Variants in SYT5 observed in about 807,000 individuals in gnomAD.
The protein encoded by SYT5 is synaptotagmin 5.
Under a neutral mutation model 36.0 loss-of-function variants are expected in SYT5, and 29 were observed. The observed-to-expected ratio is 0.81, with a 90% CI of 0.60 to 1.10. The LOEUF is 1.10. Among genes scored for constraint, SYT5 ranks in the 50% least tolerant of loss-of-function variants. The probability of loss-of-function intolerance (pLI) is 0.00; values close to 1 mark genes in which losing one functional copy is unlikely to be tolerated. For synonymous variants in SYT5, 231 were observed against 227.6 expected (o/e 1.02, Z -0.14); for missense variants, 512 against 516.0 (o/e 0.99, Z 0.08).
At chr19:55,178,885 A>G (rs1599948363) in intron 2 of SYT5, 78 bp downstream of exon 2, 1 of 1,323,432 alleles carries the variant, frequency 7.6e-7, no homozygotes. Context: ...GCCCGAGTAC[A>G]CCCGTCCGAA....
intron 3 of SYT5, 178 bp from the exon 4 acceptor site, chr19:55,176,302 C>G: frequency 1.3e-6 from 1 of 771,154 alleles, no homozygotes; most frequent in Non-Finnish European, 2.0e-6. Flanking sequence ...CGTGGTAACA[C>G]AGATGCAGTA....
In SYT5 at chr19:55,176,008, G is replaced by A; in HGVS notation, c.369C>T (p.Gly123=). 2 of 1,614,038 alleles carry A rather than the reference G, an allele frequency of 1.2e-6. No individual in the cohort carries two copies. The highest frequency in any genetic ancestry group is 8.5e-7 in the Non-Finnish European group (1 of 1,180,026). Residue 123 remains glycine (G), a synonymous_variant, in exon 4 of 9, where the codon GGC becomes GGT. Coordinates refer to ENST00000354308, the MANE Select transcript of SYT5 (RefSeq NM_003180.3). ...QYSLDYDFQS[G]QLLVGILQAM... is the part of the protein sequence containing the mutation. ...CTTCCCCTTCCTCCACACCCACCTG[G>A]CCACTCTGGAAGTCATAATCCAGGG...
Position 55,175,269 on chromosome 19 carries a change from T to G in SYT5, c.611A>C (p.Asn204Thr). 6.2e-7 allele frequency: 1 copy of G among 1,603,060 alleles called. No homozygotes were observed. The highest frequency in any genetic ancestry group is 8.5e-7 in the Non-Finnish European group (1 of 1,176,100). The change falls in exon 6 of 9, where the codon AAT becomes ACT. Residue 204 changes from asparagine to threonine, a missense_variant. Physicochemically the swap from Asn to Thr is moderately conservative, Grantham distance 65. Transcript: ENST00000354308. This position sits in a 1 kb window ranked among gnomAD's most constrained non-coding sequence, Gnocchi z 4.5. The part of the protein sequence containing the change: ...AVYDFDRFSR[N>T]DAIGEVRVPM... ...GACCCGCACCTCCCCGATGGCGTCA[T>G]TGCGAGAGAAGCGGTCGAAGTCGTA...
Position 55,173,175 on chromosome 19 carries a change from G to C in SYT5, c.*309C>G, listed in dbSNP as rs2086022967. 3.1e-6 allele frequency: 1 copy of C among 327,658 alleles called. No homozygotes were observed. The highest frequency in any genetic ancestry group is 2.1e-5 in the African/African-American group (1 of 46,696). 20.3% of individuals were successfully genotyped at this position (327,658 alleles called of 1,614,324 possible). A position where few individuals can be genotyped will look rare whatever the true frequency, so the allele number is the denominator to read the frequency against. On this transcript the variant is annotated 3_prime_UTR_variant, in exon 9 of 9. Coordinates refer to ENST00000354308, the MANE Select transcript of SYT5 (RefSeq NM_003180.3). This position sits in a 1 kb window ranked among gnomAD's most constrained non-coding sequence, Gnocchi z 5.4. ...TGTTGGAAGAGAGAGGAGAGCAGAC[G>C]AGGATGGCTGATTGTCAAAGCAGGG...
chr19:55,178,275 C>T lies in SYT5; in HGVS notation c.173G>A (p.Arg58Gln), dbSNP rs141150330. 5.8e-4 allele frequency: 928 copies of T among 1,610,636 alleles called. 6 individuals carry two copies. The African/African-American group carries it at 0.01, about 18-fold the overall frequency. ...TTGGGCCTGGCTCTTCTTGCCTGTC[C>T]GCCTCCGACAGCTCTTCCGGTAGAG... ...FCLYRKSCRRRTGKKSQAQAQ... is the reference protein window; with the variant it reads ...FCLYRKSCRRQTGKKSQAQAQ... The change falls in exon 3 of 9, where the codon CGG (arginine) becomes CAG (glutamine). Residue 58 changes from arginine to glutamine, a missense_variant. Physicochemically the swap from Arg to Gln is conservative, Grantham distance 43. Coordinates refer to ENST00000354308, the MANE Select transcript of SYT5 (RefSeq NM_003180.3).
chr19:55,176,829 T>G (rs2086081903), intron 3 of SYT5, among the ~76,000 whole-genome samples: 1 of 152,178 alleles, frequency 6.6e-6, no homozygotes, highest in Non-Finnish European at 1.5e-5. Context: ...GGATGCTAAT[T>G]GAACAGCTCC....
Position 55,179,003 on chromosome 19 carries a change from G to C in SYT5, c.39C>G (p.Pro13=), listed in dbSNP as rs766784603. 1.3e-6 allele frequency: 2 copies of C among 1,595,080 alleles called. No homozygotes were observed. Among genetic ancestry groups the C allele is most frequent in the Middle Eastern group, 1.7e-4 (1 of 5,960 alleles). The change falls in exon 2 of 9, where the codon CCC becomes CCG. Residue 13 remains proline (P), a synonymous_variant. Transcript: ENST00000354308. This position sits in a 1 kb window ranked among gnomAD's most constrained non-coding sequence, Gnocchi z 4.5. The part of the protein sequence containing the change: ...PEPPTPGPPS[P]DTPPDSSRIS... ...TGCGACTGGAGTCGGGAGGCGTGTC[G>C]GGCGATGGAGGCCCCGGGGTTGGGG...
At chr19:55,177,816 A>C (rs2086093241) in intron 3 of SYT5, among the ~76,000 whole-genome samples, 1 of 152,176 alleles carries the variant, frequency 6.6e-6, no homozygotes. Context: ...TCAGCCTCCC[A>C]AGTGCTAGGA....
At position 55,179,015 on chromosome 19, in the gene SYT5, C is replaced by A. The variant is rs149693771; in HGVS notation, c.27G>T (p.Gly9=). 5.6e-6 allele frequency: 9 copies of A among 1,602,490 alleles called. No homozygotes were observed. In the African/African-American group the frequency reaches 1.1e-4, roughly 19 times the overall value. MFPEPPTP[G]PPSPDTPPDS... is the part of the protein sequence containing the mutation. The stretch of plus-strand genomic sequence containing the variant: ...CGGGAGGCGTGTCGGGCGATGGAGG[C>A]CCCGGGGTTGGGGGCTCCGGGAACA... The change falls in exon 2 of 9, where the codon GGG becomes GGT. Residue 9 remains glycine, a synonymous_variant. Coordinates refer to ENST00000354308, the MANE Select transcript of SYT5 (RefSeq NM_003180.3). This position sits in a 1 kb window ranked among gnomAD's most constrained non-coding sequence, Gnocchi z 4.5.
chr19:55,179,245 G>C lies in SYT5; in HGVS notation c.-45-159C>G. The C allele has an allele frequency of 1.3e-6, 2 of 1,485,092 alleles. No individual in the cohort carries two copies. Among genetic ancestry groups the C allele is most frequent in the Non-Finnish European group, 8.9e-7 (1 of 1,121,606 alleles). The allele number at this position is 1,485,092 out of a possible 1,614,324, so 92.0% of individuals were successfully genotyped here. A position where few individuals can be genotyped will look rare whatever the true frequency, so the allele number is the denominator to read the frequency against. ...TATCAGCCTCCCCGCACTTGAGAGG[G>C]GGTGTCCAGGACCTAGTTCCATCCT... On this transcript the variant is annotated intron_variant, in intron 1 of 8. Coordinates refer to ENST00000354308, the MANE Select transcript of SYT5 (RefSeq NM_003180.3). The surrounding 1 kb of genome is among the most constrained non-coding windows in gnomAD (Gnocchi z 4.5).
At position 55,175,470 on chromosome 19, in the gene SYT5, A is replaced by G. The variant is rs2086065256; in HGVS notation, c.541-131T>C. ...GAACAGTTGGGGGAACTCAAATGGG[A>G]AAGTCCAGGGATCCATGCGGAAAAA... On this transcript the variant is annotated intron_variant, in intron 5 of 8. Transcript: ENST00000354308. The surrounding 1 kb of genome is among the most constrained non-coding windows in gnomAD (Gnocchi z 4.5). The G allele has an allele frequency of 8.6e-7, 1 of 1,159,432 alleles. No individual in the cohort carries two copies. Among genetic ancestry groups the G allele is most frequent in the East Asian group, 2.6e-5 (1 of 38,664 alleles). 71.8% of individuals were successfully genotyped at this position (1,159,432 alleles called of 1,614,324 possible).
Position 55,175,359 on chromosome 19 carries a change from C to T in SYT5, c.541-20G>A. ...GGGGACCTGGAGTGCACAGAGAATC[C>T]GCAGTAGAGAGCAGGAAGTCAGAGA... is the stretch of plus-strand genomic sequence containing the variant. On this transcript the variant is annotated intron_variant, in intron 5 of 8. Transcript: ENST00000354308. The surrounding 1 kb of genome is among the most constrained non-coding windows in gnomAD (Gnocchi z 4.5). 1.3e-6 allele frequency: 2 copies of T among 1,513,554 alleles called. No individual in the cohort carries two copies. The highest frequency in any genetic ancestry group is 1.8e-6 in the Non-Finnish European group (2 of 1,135,546). The allele number at this position is 1,513,554 out of a possible 1,614,324, so 93.8% of individuals were successfully genotyped here. A position where few individuals can be genotyped will look rare whatever the true frequency, so the allele number is the denominator to read the frequency against.
chr19:55,175,795 G>A lies in SYT5; in HGVS notation c.454C>T (p.Leu152=), dbSNP rs1196083723. Residue 152 remains leucine, a synonymous_variant, in exon 5 of 9, where the codon CTG becomes TTG. Transcript: ENST00000354308. The surrounding 1 kb of genome is among the most constrained non-coding windows in gnomAD (Gnocchi z 4.5). The part of the protein sequence containing the change: ...GSSDPYVRVY[L]LPDKRRRYET... ...TACCGCCTCCGTTTGTCCGGCAGCA[G>A]GTAGACCCGCACATAGGGGTCCGAG... 1 of 1,614,192 alleles carries A rather than the reference G, an allele frequency of 6.2e-7. No homozygotes were observed. The highest frequency in any genetic ancestry group is 8.5e-7 in the Non-Finnish European group (1 of 1,180,030).
Position 55,171,488 on chromosome 19 carries a change from C to T in SYT5, c.*1996G>A, listed in dbSNP as rs2086005620. The T allele has an allele frequency of 6.6e-6, 1 of 152,156 alleles. No homozygotes were observed. Among genetic ancestry groups the T allele is most frequent in the African/African-American group, 2.4e-5 (1 of 41,432 alleles). 9.4% of individuals were successfully genotyped at this position (152,156 alleles called of 1,614,324 possible). Reference sequence around the variant, plus strand: ...GAGCAAGTAAGTTTGTTTGCTGCCTCCTTTTTTGGTACGTGGGGGTAATTT... The same window carrying T: ...GAGCAAGTAAGTTTGTTTGCTGCCTTCTTTTTTGGTACGTGGGGGTAATTT... On this transcript the variant is annotated 3_prime_UTR_variant, in exon 9 of 9. Transcript: ENST00000354308.
intron 3 of SYT5, 34 bp from the exon 4 acceptor site, chr19:55,176,158 T>C: frequency 6.2e-7 from 1 of 1,613,404 alleles, no homozygotes; most frequent in Middle Eastern, 1.7e-4. Context: ...GGGTGAAGTC[T>C]TCCCCTGATA....
At chr19:55,174,681 C>T (rs370350537) in intron 7 of SYT5, 31 bp from the exon 8 acceptor site, 90 of 1,613,632 alleles carry the variant, frequency 5.6e-5, no homozygotes, top group Admixed American at 1.7e-5. Flanking sequence ...TCTTATAGCT[C>T]CCCACTGCTG....
Position 55,172,873 on chromosome 19 carries a change from T to C in SYT5, c.*611A>G, listed in dbSNP as rs1163608601. 1 of 152,266 alleles carries C rather than the reference T, an allele frequency of 6.6e-6. No homozygotes were observed. The highest frequency in any genetic ancestry group is 1.5e-5 in the Non-Finnish European group (1 of 68,106). 9.4% of individuals were successfully genotyped at this position (152,266 alleles called of 1,614,324 possible). The stretch of plus-strand genomic sequence containing the variant: ...CACAGCCAGCGTGTGGCAGGAATTA[T>C]TATTATCCCAACATTCTCCAGAGGA... On this transcript the variant is annotated 3_prime_UTR_variant, in exon 9 of 9. Coordinates refer to ENST00000354308, the MANE Select transcript of SYT5 (RefSeq NM_003180.3).
At chr19:55,174,001 G>A in intron 8 of SYT5, 1 of 333,914 alleles carries the variant, frequency 3.0e-6, no homozygotes, top group Non-Finnish European at 5.4e-6. Flanking sequence ...AACTTTAACA[G>A]GGGCCGGGCT....
At chr19:55,177,288 CTT>C (rs1400021101) in intron 3 of SYT5, 2 of 152,152 alleles carry the variant, frequency 1.3e-5, no homozygotes, top group East Asian at 3.8e-4. Context: ...AGAAATGACT[CTT>C]TGTTCCCCAA....
Sources: allele counts gnomAD v4.1 joint callset (sites outside exome capture counted in the v4.1 genomes callset), GRCh38; gene constraint gnomAD v4.1.1; non-coding constraint Gnocchi (gnomAD v3.1); transcripts MANE v1.5; gene names NCBI Gene and HGNC (gene_info 2026-07-23, HGNC 2026-07-21).